The following CPA6 variants were observed in gnomAD, a reference collection of about 807,000 sequenced individuals.
CPA6 encodes carboxypeptidase B.
In CPA6, 58 loss-of-function variants were observed where a neutral mutation model predicts 63.3. The observed-to-expected ratio is 0.92, with a 90% CI of 0.74 to 1.14. The LOEUF is 1.14. CPA6 is among the 50% of genes most tolerant of loss of function. The probability of loss-of-function intolerance (pLI) is 0.00; values close to 1 mark genes in which losing one functional copy is unlikely to be tolerated. For synonymous variants in CPA6, 185 were observed against 179.0 expected (o/e 1.03, Z -0.27); for missense variants, 565 against 526.6 (o/e 1.07, Z -0.71).
chr8:67,433,743 A>G (rs1810080023), intron 9 of CPA6, among the ~76,000 whole-genome samples: 1 of 152,216 alleles, frequency 6.6e-6, no homozygotes, highest in Non-Finnish European at 1.5e-5. Context: ...TACGGTTAAA[A>G]GCAACAGCTA....
chr8:67,670,649 AAC>A (rs1311698848), intron 1 of CPA6, among the ~76,000 whole-genome samples: 1 of 152,214 alleles, frequency 6.6e-6, no homozygotes, highest in Non-Finnish European at 1.5e-5. Context: ...ATAAAGAAAA[AAC>A]AGTTTGTCAC....
chr8:67,714,411 C>T (rs1817335424), intron 1 of CPA6, among the ~76,000 whole-genome samples: 1 of 152,222 alleles, frequency 6.6e-6, no homozygotes, highest in African/African-American at 2.4e-5. Flanking sequence ...TAATTCTGAG[C>T]TAAAGTCTGC....
intron 8 of CPA6, among the ~76,000 whole-genome samples, chr8:67,475,801 CTTTCTTT>C (rs1334873810): frequency 1.0e-4 from 6 of 57,724 alleles, no homozygotes; most frequent in Non-Finnish European, 1.6e-4. Context: ...TTCTTTCTTT[CTTTCTTT>C]CTTTCTTTCC....
At chr8:67,473,361 T>A (rs919199522) in intron 8 of CPA6, among the ~76,000 whole-genome samples, 2 of 152,178 alleles carry the variant, frequency 1.3e-5, no homozygotes, top group African/African-American at 4.8e-5. Context: ...AGTAGATACA[T>A]TATTTTAAAA....
In CPA6 at chr8:67,511,559, A is replaced by G; in HGVS notation, c.414T>C (p.Val138=). 6.3e-7 allele frequency: 1 copy of G among 1,597,620 alleles called. No homozygotes were observed. The highest frequency in any genetic ancestry group is 8.6e-7 in the Non-Finnish European group (1 of 1,165,184). ...TACATACTTCTTCTAAGGAGTGATA[A>G]ACTTCATAATTATATCCAGAGAGGG... ...RRSLSGYNYE[V]YHSLEEIQNW... Residue 138 remains valine, a synonymous_variant, in exon 4 of 11, where the codon GTT becomes GTC. Coordinates refer to ENST00000297770, the MANE Select transcript of CPA6 (RefSeq NM_020361.5).
intron 2 of CPA6, among the ~76,000 whole-genome samples, chr8:67,542,552 T>C (rs1161891494): frequency 6.6e-6 from 1 of 152,222 alleles, no homozygotes. Flanking sequence ...AATGTTCAAA[T>C]GCAGGTACAA....
chr8:67,592,622 G>A (rs1814163913), intron 2 of CPA6, among the ~76,000 whole-genome samples: 1 of 151,808 alleles, frequency 6.6e-6, no homozygotes, highest in African/African-American at 2.4e-5. Flanking sequence ...TTGGGAGAGT[G>A]TATGTGTCGA....
intron 2 of CPA6, among the ~76,000 whole-genome samples, chr8:67,557,989 G>C (rs1813106990): frequency 6.6e-6 from 1 of 152,022 alleles, no homozygotes; most frequent in Non-Finnish European, 1.5e-5. Context: ...TTAGAACAAA[G>C]CCCTACATTT....
At chr8:67,743,598 A>AT (rs532227373) in intron 1 of CPA6, among the ~76,000 whole-genome samples, 3 of 151,568 alleles carry the variant, frequency 2.0e-5, no homozygotes, top group Non-Finnish European at 4.4e-5. Flanking sequence ...AATCATCCCT[A>AT]TTTCTCCCCA....
intron 2 of CPA6, among the ~76,000 whole-genome samples, chr8:67,533,292 C>T (rs1812516985): frequency 6.6e-6 from 1 of 152,164 alleles, no homozygotes; most frequent in South Asian, 2.1e-4. Context: ...GATGATTGCA[C>T]ACACTCAGAG....
At chr8:67,643,348 T>C (rs1204581484) in intron 1 of CPA6, among the ~76,000 whole-genome samples, 1 of 152,084 alleles carries the variant, frequency 6.6e-6, no homozygotes, top group Non-Finnish European at 1.5e-5. Flanking sequence ...AAAACTAAAC[T>C]GTACCTCTCC....
intron 1 of CPA6, among the ~76,000 whole-genome samples, chr8:67,659,180 A>T (rs902118388): frequency 2.0e-5 from 3 of 152,170 alleles, no homozygotes; most frequent in East Asian, 1.9e-4. Context: ...TGCTCCAGAT[A>T]GGCAGGCCTC....
chr8:67,567,916 G>A (rs533431882), intron 2 of CPA6, among the ~76,000 whole-genome samples: 1 of 151,754 alleles, frequency 6.6e-6, no homozygotes, highest in South Asian at 2.1e-4. Flanking sequence ...AGTGCAGTTA[G>A]ACCACCTGGG....
At chr8:67,624,335 C>T in intron 1 of CPA6, 84 bp from the exon 2 acceptor site, 1 of 680,684 alleles carries the variant, frequency 1.5e-6, no homozygotes, top group Non-Finnish European at 2.5e-6. Flanking sequence ...TAAAAAACTG[C>T]CTCTGCATTT....
chr8:67,609,001 GAA>G (rs1235266950), intron 2 of CPA6, among the ~76,000 whole-genome samples: 4 of 152,200 alleles, frequency 2.6e-5, no homozygotes, highest in African/African-American at 9.6e-5. Context: ...AAGAAGCTCT[GAA>G]AGCCCAGAGT....
At chr8:67,473,778 T>C (rs111906390) in intron 8 of CPA6, among the ~76,000 whole-genome samples, 10,287 of 152,066 alleles carry the variant, frequency 0.068, 815 homozygotes, top group African/African-American at 0.19. Context: ...CTAATTTTTG[T>C]ATTTTTTTGT....
chr8:67,654,582 T>C (rs1815937776), intron 1 of CPA6, among the ~76,000 whole-genome samples: 1 of 152,196 alleles, frequency 6.6e-6, no homozygotes, highest in Non-Finnish European at 1.5e-5. Flanking sequence ...GTGGGATCGG[T>C]GGTGATATCC....
At chr8:67,506,966 A>T in intron 5 of CPA6, 78 bp from the exon 6 acceptor site, 1 of 1,036,876 alleles carries the variant, frequency 9.6e-7, no homozygotes, top group Non-Finnish European at 1.5e-6. Flanking sequence ...AGGTTTCAGC[A>T]TAATTCTTCA....
intron 2 of CPA6, among the ~76,000 whole-genome samples, chr8:67,552,706 G>C (rs1394282436): frequency 5.9e-5 from 8 of 134,686 alleles, no homozygotes; most frequent in Non-Finnish European, 9.3e-5. Flanking sequence ...CCGGGAGGCA[G>C]AGCTTGCATG....
Sources: gnomAD v4.1 joint callset for allele counts (sites outside exome capture counted in the v4.1 genomes callset) on GRCh38, gnomAD v4.1.1 for gene constraint, MANE v1.5 for transcripts, NCBI Gene and HGNC (gene_info 2026-07-23, HGNC 2026-07-21) for gene names.